Variants in DYTN observed in about 807,000 individuals in gnomAD.
The protein encoded by DYTN is dystrotelin.
DYTN carries 75 observed loss-of-function variants against 69.6 expected under a neutral mutation model. The ratio of observed to expected loss-of-function variants is 1.08; its 90% confidence interval spans 0.89 to 1.31. DYTN has a LOEUF of 1.31. DYTN is among the 50% of genes most tolerant of loss of function. The pLI, the probability that DYTN is intolerant of heterozygous loss-of-function variation, is 0.00. For synonymous variants in DYTN, 252 were observed against 249.1 expected (o/e 1.01, Z -0.11); for missense variants, 726 against 688.4 (o/e 1.05, Z -0.61).
chr2:206,716,043 G>T (rs907134524), intron 1 of DYTN, among the ~76,000 whole-genome samples: 1 of 152,064 alleles, frequency 6.6e-6, no homozygotes, highest in South Asian at 2.1e-4. Context: ...AGCCAAGATC[G>T]CGCTACTGCA....
chr2:206,696,454 T>A (rs1699920868), intron 7 of DYTN, among the ~76,000 whole-genome samples: 1 of 152,178 alleles, frequency 6.6e-6, no homozygotes, highest in African/African-American at 2.4e-5. Context: ...CTGACTCCCA[T>A]GGCAGGATAT....
intron 9 of DYTN, among the ~76,000 whole-genome samples, chr2:206,685,475 T>G (rs1227985753): frequency 2.0e-5 from 3 of 152,142 alleles, no homozygotes; most frequent in Non-Finnish European, 4.4e-5. Flanking sequence ...ATAGCTTATT[T>G]TTGAGAACCT....
chr2:206,691,412 TAA>T (rs202176250), intron 9 of DYTN, among the ~76,000 whole-genome samples: 2 of 150,610 alleles, frequency 1.3e-5, no homozygotes, highest in Non-Finnish European at 2.9e-5. Context: ...GACTCCATCT[TAA>T]AAAAAAAATA....
In DYTN at chr2:206,672,466, A is replaced by G. The variant is rs141687332; in HGVS notation, c.981-6437T>C. Among the ~76,000 whole-genome samples, 12 of 152,312 alleles carry G rather than the reference A, an allele frequency of 7.9e-5. No individual in the cohort carries two copies. The East Asian group carries it at 1.5e-3, about 20-fold the overall frequency. ...AGCTCCTTATTTGTCCTCATACATC[A>G]GTCCAGCTCTCTGTCGCACACTCTA... On this transcript the variant is annotated intron_variant, in intron 9 of 11. Transcript: ENST00000452335.
intron 5 of DYTN, among the ~76,000 whole-genome samples, chr2:206,702,984 G>A (rs1464095895): frequency 6.6e-6 from 1 of 152,120 alleles, no homozygotes; most frequent in African/African-American, 2.4e-5. Flanking sequence ...GTGGGGCCTG[G>A]AATTTTCTCT....
intron 9 of DYTN, among the ~76,000 whole-genome samples, chr2:206,680,374 C>T (rs1033712477): frequency 6.6e-6 from 1 of 152,154 alleles, no homozygotes; most frequent in Non-Finnish European, 1.5e-5. Flanking sequence ...AGCTACAATT[C>T]AGGATGGGAT....
chr2:206,693,314 TTGCTGACATC>T lies in DYTN; in HGVS notation c.832-1_840del. On this transcript the variant is annotated splice_acceptor_variant and coding_sequence_variant, in exon 9 of 12. Coordinates refer to ENST00000452335, the MANE Select transcript of DYTN (RefSeq NM_001093730.1). LOFTEE classifies it high-confidence loss of function. ...CTGAAGAGAAGTTTTGTATTCTGCA[TTGCTGACATC>T]TGCTGAAAGGGCCAACATTTTTAAA... 6.2e-7 allele frequency: 1 copy of T among 1,612,284 alleles called. No individual in the cohort carries two copies.
intron 7 of DYTN, 63 bp downstream of exon 7, chr2:206,699,664 G>A (rs942746460): frequency 2.0e-6 from 3 of 1,515,240 alleles, no homozygotes; most frequent in Admixed American, 4.6e-5. Context: ...CTGAAGGGAT[G>A]CAGCTCCAAC....
At chr2:206,705,594 C>A (rs1700017125) in intron 4 of DYTN, among the ~76,000 whole-genome samples, 194 bp downstream of exon 4, 1 of 152,122 alleles carries the variant, frequency 6.6e-6, no homozygotes, top group Non-Finnish European at 1.5e-5. Context: ...CAAGAACAAC[C>A]AAGAAACAAG....
At chr2:206,674,306 A>T (rs1699659447) in intron 9 of DYTN, among the ~76,000 whole-genome samples, 1 of 152,158 alleles carries the variant, frequency 6.6e-6, no homozygotes, top group African/African-American at 2.4e-5. Context: ...AAATAAAATG[A>T]TACACTTAAA....
intron 9 of DYTN, among the ~76,000 whole-genome samples, chr2:206,666,635 T>C (rs1421088333): frequency 2.0e-5 from 3 of 152,114 alleles, no homozygotes; most frequent in African/African-American, 7.2e-5. Flanking sequence ...GGAAGAATAT[T>C]GCAGTTCATG....
At chr2:206,716,073 C>T (rs370283464) in intron 1 of DYTN, among the ~76,000 whole-genome samples, 19 of 151,688 alleles carry the variant, frequency 1.3e-4, no homozygotes, top group African/African-American at 3.2e-4. Flanking sequence ...GGTGGCAGAG[C>T]GAGACTCCAT....
chr2:206,691,356 C>T (rs535844779), intron 9 of DYTN, among the ~76,000 whole-genome samples: 3 of 151,960 alleles, frequency 2.0e-5, no homozygotes, highest in Non-Finnish European at 2.9e-5. Flanking sequence ...GAGGTCGCAG[C>T]GAGCCGAGAT....
intron 9 of DYTN, among the ~76,000 whole-genome samples, chr2:206,682,838 A>G (rs897973248): frequency 2.6e-5 from 4 of 152,132 alleles, no homozygotes; most frequent in Non-Finnish European, 5.9e-5. Context: ...GGTTGATGGC[A>G]ATCTTATTCT....
intron 5 of DYTN, among the ~76,000 whole-genome samples, chr2:206,703,608 A>G (rs1467353961): frequency 6.6e-6 from 1 of 152,252 alleles, no homozygotes; most frequent in African/African-American, 2.4e-5. Context: ...TGAACACAAA[A>G]TATTAATATT....
chr2:206,673,171 G>A (rs10205224), intron 9 of DYTN, among the ~76,000 whole-genome samples: 20,970 of 152,118 alleles, frequency 0.14, 2,386 homozygotes, highest in African/African-American at 0.31. Flanking sequence ...GCTCCCACTT[G>A]TAAGTGAGAA....
At chr2:206,667,445 C>T (rs1424655360) in intron 9 of DYTN, among the ~76,000 whole-genome samples, 1 of 152,068 alleles carries the variant, frequency 6.6e-6, no homozygotes, top group East Asian at 1.9e-4. Flanking sequence ...ATCTGACTGC[C>T]CTACTTGAAT....
Position 206,704,958 on chromosome 2 carries a change from G to T in DYTN, c.383-15C>A. On this transcript the variant is annotated splice_polypyrimidine_tract_variant and intron_variant, in intron 4 of 11. Coordinates refer to ENST00000452335, the MANE Select transcript of DYTN (RefSeq NM_001093730.1). ...TTGAAAAAGAGCTAGACATGTAGGA[G>T]GAACAATCTTTAAATTGAATACTTG... 6.2e-7 allele frequency: 1 copy of T among 1,602,654 alleles called. No homozygotes were observed. Among genetic ancestry groups the T allele is most frequent in the South Asian group, 1.1e-5 (1 of 90,110 alleles).
intron 11 of DYTN, among the ~76,000 whole-genome samples, chr2:206,661,795 C>A (rs780615354): frequency 1.3e-5 from 2 of 152,110 alleles, no homozygotes; most frequent in African/African-American, 2.4e-5. Flanking sequence ...AAGTTACATG[C>A]GAATTTTCAA....
Sources: allele counts gnomAD v4.1 joint callset (sites outside exome capture counted in the v4.1 genomes callset), GRCh38; gene constraint gnomAD v4.1.1; transcripts MANE v1.5; gene names NCBI Gene and HGNC (gene_info 2026-07-23, HGNC 2026-07-21).